The following SYN3 variants were observed in gnomAD, a reference collection of about 807,000 sequenced individuals.
SYN3 encodes the protein synapsin-3.
SYN3 carries 35 observed loss-of-function variants against 65.8 expected under a neutral mutation model. That is an observed-to-expected ratio of 0.53 (90% CI 0.41 to 0.70). The LOEUF is 0.70. Among genes scored for constraint, SYN3 ranks in the 30% least tolerant of loss-of-function variants. SYN3 has a pLI of 0.00. For missense variants in SYN3, 680 were observed against 749.0 expected, an observed-to-expected ratio of 0.91 and a Z score of 1.08; for synonymous variants, 270 against 292.9, an observed-to-expected ratio of 0.92 and a Z score of 0.80.
chr22:32,577,432 A>AC (rs560207818), intron 7 of SYN3, among the ~76,000 whole-genome samples: 2 of 152,000 alleles, frequency 1.3e-5, no homozygotes, highest in South Asian at 4.2e-4. Context: ...CTAGAAAGGG[A>AC]CCCCCTTGGG....
chr22:32,671,234 T>TCA (rs1237758244), intron 6 of SYN3, among the ~76,000 whole-genome samples: 6 of 152,016 alleles, frequency 3.9e-5, no homozygotes, highest in South Asian at 2.1e-4. Context: ...CCGCCCATTT[T>TCA]CACACACACA....
intron 3 of SYN3, among the ~76,000 whole-genome samples, chr22:32,937,853 A>C (rs1351010299): frequency 2.0e-5 from 3 of 152,220 alleles, no homozygotes; most frequent in Non-Finnish European, 4.4e-5. Context: ...AAAAAAGCAA[A>C]GAAAGAAAAA....
chr22:32,905,766 G>A (rs1244574501), intron 4 of SYN3, among the ~76,000 whole-genome samples: 2 of 152,204 alleles, frequency 1.3e-5, no homozygotes, highest in African/African-American at 4.8e-5. Flanking sequence ...CCTCCTATAT[G>A]GGCAGCTCTG....
At chr22:32,556,326 G>A (rs2058494687) in intron 7 of SYN3, among the ~76,000 whole-genome samples, 1 of 152,096 alleles carries the variant, frequency 6.6e-6, no homozygotes, top group Non-Finnish European at 1.5e-5. Flanking sequence ...GAATCAGATT[G>A]GACACCATTA....
At chr22:32,655,532 C>T (rs1439532957) in intron 6 of SYN3, among the ~76,000 whole-genome samples, 1 of 152,074 alleles carries the variant, frequency 6.6e-6, no homozygotes, top group African/African-American at 2.4e-5. Flanking sequence ...CCCCATTGCT[C>T]GTATTACCGC....
chr22:32,792,532 C>T lies in SYN3; in HGVS notation c.711+72383G>A, dbSNP rs537933652. ...AATATACTGATGAGTATGCCACCAG[C>T]TTGCCTCTGGTTCTGGGCCCTATCT... On this transcript the variant is annotated intron_variant, in intron 6 of 13. Coordinates refer to ENST00000358763, the MANE Select transcript of SYN3 (RefSeq NM_003490.4). 2.0e-5 allele frequency among the ~76,000 whole-genome samples: 3 copies of T among 152,314 alleles called. No homozygotes were observed. In the South Asian group the frequency reaches 6.2e-4, roughly 32 times the overall value.
At chr22:32,997,782 G>A (rs988217181) in intron 2 of SYN3, among the ~76,000 whole-genome samples, 10 of 151,996 alleles carry the variant, frequency 6.6e-5, no homozygotes, top group African/African-American at 2.2e-4. Context: ...ACCCCAGCAC[G>A]TTGGGAGGCC....
Position 32,992,961 on chromosome 22 carries a change from T to C in SYN3, c.312-12259A>G, listed in dbSNP as rs146831997. 5.9e-5 allele frequency among the ~76,000 whole-genome samples: 9 copies of C among 152,338 alleles called. No individual in the cohort carries two copies. In the East Asian group the frequency reaches 1.5e-3, roughly 26 times the overall value. ...AACAGCAGTTCTATTTGCATTTGCA[T>C]TGATGGAAGCAAGCCTTCTTTTTGT... On this transcript the variant is annotated intron_variant, in intron 2 of 13. Transcript: ENST00000358763.
At chr22:32,879,793 G>C in intron 4 of SYN3, among the ~76,000 whole-genome samples, 1 of 152,172 alleles carries the variant, frequency 6.6e-6, no homozygotes, top group East Asian at 1.9e-4. Context: ...CATGGAAATG[G>C]CTTCTCTTCT....
At chr22:32,817,228 A>C (rs1405441209) in intron 6 of SYN3, among the ~76,000 whole-genome samples, 1 of 152,064 alleles carries the variant, frequency 6.6e-6, no homozygotes, top group African/African-American at 2.4e-5. Flanking sequence ...AAAAAAAAAA[A>C]AATGTTATTT....
intron 6 of SYN3, among the ~76,000 whole-genome samples, chr22:32,830,632 G>A (rs1351219466): frequency 6.6e-6 from 1 of 152,144 alleles, no homozygotes; most frequent in Admixed American, 6.5e-5. Context: ...AATTCTCGTT[G>A]GAAAACACCA....
At chr22:32,676,954 C>G (rs973402941) in intron 6 of SYN3, among the ~76,000 whole-genome samples, 2 of 152,180 alleles carry the variant, frequency 1.3e-5, no homozygotes, top group Non-Finnish European at 2.9e-5. Flanking sequence ...TATTCTTCCC[C>G]TTTACAGGTG....
chr22:32,977,049 T>C (rs1466326046), intron 3 of SYN3, among the ~76,000 whole-genome samples: 1 of 151,506 alleles, frequency 6.6e-6, no homozygotes, highest in Non-Finnish European at 1.5e-5. Context: ...CAAAGACAAG[T>C]GATTCTGATT....
intron 6 of SYN3, among the ~76,000 whole-genome samples, chr22:32,759,153 C>A (rs1030129031): frequency 3.9e-5 from 6 of 152,086 alleles, no homozygotes; most frequent in African/African-American, 1.4e-4. Context: ...GGAAGGAGCC[C>A]CAGAATTAGA....
At chr22:32,684,541 C>A (rs891893471) in intron 6 of SYN3, among the ~76,000 whole-genome samples, 2 of 152,242 alleles carry the variant, frequency 1.3e-5, no homozygotes, top group Non-Finnish European at 2.9e-5. Context: ...GCAACCACAT[C>A]ATTGTCAAAC....
chr22:32,528,134 G>A, intron 11 of SYN3, 129 bp from the exon 12 acceptor site: 2 of 746,404 alleles, frequency 2.7e-6, no homozygotes, highest in Non-Finnish European at 4.2e-6. Context: ...GTACAGTTCT[G>A]GAGTATACAG....
At chr22:32,996,184 C>T (rs1056117527) in intron 2 of SYN3, among the ~76,000 whole-genome samples, 1 of 152,108 alleles carries the variant, frequency 6.6e-6, no homozygotes, top group African/African-American at 2.4e-5. Flanking sequence ...TCCATCTATC[C>T]CAGCCTCCCG....
intron 1 of SYN3, among the ~76,000 whole-genome samples, chr22:33,050,026 T>C (rs949552260): frequency 1.3e-5 from 2 of 150,708 alleles, no homozygotes; most frequent in African/African-American, 4.9e-5. Context: ...AATGAATGAG[T>C]GTTGTTGTTT....
chr22:33,009,200 T>C (rs2053284918), intron 1 of SYN3, among the ~76,000 whole-genome samples: 1 of 152,114 alleles, frequency 6.6e-6, no homozygotes, highest in Admixed American at 6.5e-5. Flanking sequence ...TAAGAAACTG[T>C]CAAAAAGTTT....
Sources: gnomAD v4.1 joint callset for allele counts (sites outside exome capture counted in the v4.1 genomes callset) on GRCh38, gnomAD v4.1.1 for gene constraint, MANE v1.5 for transcripts, NCBI Gene and HGNC (gene_info 2026-07-23, HGNC 2026-07-21) for gene names.